The following NCAM2 variants were observed in gnomAD, a reference collection of about 807,000 sequenced individuals.
The protein encoded by NCAM2 is neural cell adhesion molecule 2.
In NCAM2, 30 loss-of-function variants were observed where a neutral mutation model predicts 98.1. The observed-to-expected ratio is 0.31, with a 90% CI of 0.23 to 0.41. The LOEUF (loss-of-function observed/expected upper bound fraction) is 0.41, where lower values mean the gene tolerates loss of function less well. Among genes scored for constraint, NCAM2 ranks in the 10% least tolerant of loss-of-function variants. The probability of loss-of-function intolerance (pLI) is 1.00; values close to 1 mark genes in which losing one functional copy is unlikely to be tolerated. For synonymous variants in NCAM2, 368 were observed against 342.4 expected (o/e 1.07, Z -0.83); for missense variants, 867 against 1,005.8 (o/e 0.86, Z 1.87).
At chr21:21,280,170 G>A (rs570916027) in intron 1 of NCAM2, among the ~76,000 whole-genome samples, 23 of 12,046 alleles carry the variant, frequency 1.9e-3, no homozygotes, top group South Asian at 0.014. Flanking sequence ...GTTAATTTGC[G>A]TGTGTGTGTG....
At position 21,174,758 on chromosome 21, in the gene NCAM2, A is replaced by G. The variant is rs184062167; in HGVS notation, c.56-105820A>G. On this transcript the variant is annotated intron_variant, in intron 1 of 17. Coordinates refer to ENST00000400546, the MANE Select transcript of NCAM2 (RefSeq NM_004540.5). ...ATTAAAAAAAAATAAATAAATACCA[A>G]TAATACAATTACAAATAAAGAAAAT... Among the ~76,000 whole-genome samples the G allele has an allele frequency of 2.0e-3, 310 of 152,236 alleles. 1 individual carries two copies. The highest frequency in any genetic ancestry group is 7.1e-3 in the African/African-American group (293 of 41,544).
intron 5 of NCAM2, among the ~76,000 whole-genome samples, chr21:21,317,166 T>G (rs1293003337): frequency 5.9e-5 from 9 of 152,168 alleles, no homozygotes; most frequent in Admixed American, 3.3e-4. Flanking sequence ...TATCCCCCTC[T>G]CAGATTCTTC....
intron 12 of NCAM2, among the ~76,000 whole-genome samples, chr21:21,449,420 A>C (rs535831749): frequency 6.6e-6 from 1 of 152,034 alleles, no homozygotes; most frequent in South Asian, 2.1e-4. Context: ...ATACACTCTT[A>C]AGGCAAATTT....
chr21:21,339,694 G>C (rs2074972794), intron 8 of NCAM2, among the ~76,000 whole-genome samples: 1 of 151,714 alleles, frequency 6.6e-6, no homozygotes, highest in South Asian at 2.1e-4. Flanking sequence ...AAGAATAAAT[G>C]TTTGTCCATA....
intron 9 of NCAM2, among the ~76,000 whole-genome samples, chr21:21,394,516 T>G (rs2076457366): frequency 2.4e-5 from 3 of 123,622 alleles, no homozygotes; most frequent in Admixed American, 1.0e-4. Flanking sequence ...TGAGACAGAG[T>G]TGCGCTCTGT....
chr21:21,337,390 A>G (rs1261136313), intron 7 of NCAM2, among the ~76,000 whole-genome samples: 2 of 152,110 alleles, frequency 1.3e-5, no homozygotes, highest in East Asian at 1.9e-4. Flanking sequence ...TTGTATGCAT[A>G]TTGTGGGAAT....
At chr21:21,513,629 C>T (rs1988528765) in intron 16 of NCAM2, among the ~76,000 whole-genome samples, 1 of 152,052 alleles carries the variant, frequency 6.6e-6, no homozygotes, top group Non-Finnish European at 1.5e-5. Context: ...ATCTATTCTT[C>T]AGAATGTTTC....
chr21:21,487,900 T>G (rs1986524847), intron 15 of NCAM2, among the ~76,000 whole-genome samples: 1 of 152,150 alleles, frequency 6.6e-6, no homozygotes, highest in Admixed American at 6.5e-5. Flanking sequence ...GCTATTTTTG[T>G]TCATTTCTTT....
intron 16 of NCAM2, among the ~76,000 whole-genome samples, chr21:21,519,216 ATAGAAGACTAC>A (rs1988878700): frequency 6.6e-6 from 1 of 152,142 alleles, no homozygotes; most frequent in South Asian, 2.1e-4. Context: ...TTTGTTTGAA[ATAGAAGACTAC>A]TAGAAGAGTT....
intron 1 of NCAM2, among the ~76,000 whole-genome samples, chr21:21,217,285 G>A (rs1458157341): frequency 1.3e-5 from 2 of 152,088 alleles, no homozygotes; most frequent in African/African-American, 4.8e-5. Flanking sequence ...TACGTATAGT[G>A]GTCTAAGTCT....
At chr21:21,345,252 G>A (rs1317267990) in intron 8 of NCAM2, among the ~76,000 whole-genome samples, 1 of 151,950 alleles carries the variant, frequency 6.6e-6, no homozygotes, top group Non-Finnish European at 1.5e-5. Flanking sequence ...CACCATCCGG[G>A]AAAGCATGAC....
At chr21:21,255,404 T>A (rs2147311337) in intron 1 of NCAM2, among the ~76,000 whole-genome samples, 1 of 152,364 alleles carries the variant, frequency 6.6e-6, no homozygotes, top group Admixed American at 6.5e-5. Flanking sequence ...GTGAAATCTC[T>A]AAGCTGTCTC....
At chr21:21,468,942 T>C (rs1984075911) in intron 14 of NCAM2, among the ~76,000 whole-genome samples, 159 bp downstream of exon 14, 1 of 151,996 alleles carries the variant, frequency 6.6e-6, no homozygotes, top group Non-Finnish European at 1.5e-5. Flanking sequence ...TGTGATTTTT[T>C]TTTATTTTTT....
intron 8 of NCAM2, among the ~76,000 whole-genome samples, chr21:21,371,892 C>CAT (rs1254470126): frequency 1.9e-4 from 29 of 151,184 alleles, no homozygotes; most frequent in Non-Finnish European, 3.3e-4. Context: ...CACACACACA[C>CAT]GCTCTGACAC....
At chr21:21,430,646 C>G (rs2077315132) in intron 11 of NCAM2, among the ~76,000 whole-genome samples, 1 of 151,942 alleles carries the variant, frequency 6.6e-6, no homozygotes, top group Non-Finnish European at 1.5e-5. Context: ...ACAATCTTAT[C>G]TCATGAGACT....
intron 15 of NCAM2, among the ~76,000 whole-genome samples, chr21:21,484,613 A>G (rs1292697507): frequency 6.6e-6 from 1 of 152,166 alleles, no homozygotes; most frequent in Admixed American, 6.5e-5. Context: ...AAATTAAAAA[A>G]AAATAGTAAT....
chr21:21,505,176 T>C (rs1569125627), intron 15 of NCAM2, among the ~76,000 whole-genome samples: 1 of 152,034 alleles, frequency 6.6e-6, no homozygotes, highest in Non-Finnish European at 1.5e-5. Flanking sequence ...GTACTAGCTA[T>C]TAGTATTTTA....
intron 1 of NCAM2, among the ~76,000 whole-genome samples, chr21:21,188,939 T>C (rs1278713977): frequency 6.6e-6 from 1 of 152,182 alleles, no homozygotes; most frequent in Non-Finnish European, 1.5e-5. Context: ...ATATACAAAG[T>C]ATAAAAGTAA....
chr21:21,437,546 C>T (rs1978568314), intron 12 of NCAM2, among the ~76,000 whole-genome samples: 3 of 146,248 alleles, frequency 2.1e-5, no homozygotes, highest in African/African-American at 5.2e-5. Flanking sequence ...TTAACGGTCC[C>T]GGTTTATGCA....
Sources: allele counts gnomAD v4.1 joint callset (sites outside exome capture counted in the v4.1 genomes callset), GRCh38; gene constraint gnomAD v4.1.1; transcripts MANE v1.5; gene names NCBI Gene and HGNC (gene_info 2026-07-23, HGNC 2026-07-21).